Variants in ATP2B1 observed in about 807,000 individuals in gnomAD.
ATP2B1 encodes plasma membrane calcium-transporting ATPase 1.
Under a neutral mutation model 124.2 loss-of-function variants are expected in ATP2B1, and 14 were observed. The ratio of observed to expected loss-of-function variants is 0.11; its 90% CI spans 0.07 to 0.18. The LOEUF is 0.18. ATP2B1 is among the 10% of genes least tolerant of loss of function. The pLI is 1.00. For missense variants in ATP2B1, 763 were observed against 1,466.1 expected, an observed-to-expected ratio of 0.52 and a Z score of 7.83; for synonymous variants, 449 against 492.4, an observed-to-expected ratio of 0.91 and a Z score of 1.17.
In ATP2B1 at chr12:89,630,409, AT is replaced by A. The variant is rs1273694773; in HGVS notation, c.928+95del. 5.8e-5 allele frequency: 67 copies of A among 1,159,864 alleles called. 1 individual carries two copies. In the African/African-American group the frequency reaches 1.1e-3, roughly 18 times the overall value. The allele number at this position is 1,159,864 out of a possible 1,614,324, so 71.8% of individuals were successfully genotyped here. A position where few individuals can be genotyped will look rare whatever the true frequency, so the allele number is the denominator to read the frequency against. On this transcript the variant is annotated intron_variant, in intron 6 of 20. Transcript: ENST00000428670. ...AAATCTTCTTTTAACTTTTTGTAGA[AT>A]TTTTCATACCAGAATCTCTTGAAAG... is the stretch of plus-strand genomic sequence containing the variant.
intron 11 of ATP2B1, among the ~76,000 whole-genome samples, chr12:89,618,753 C>G (rs1163352163): frequency 6.6e-6 from 1 of 152,146 alleles, no homozygotes; most frequent in African/African-American, 2.4e-5. Context: ...AATGCCACAT[C>G]CCTACAGTGT....
At chr12:89,607,761 A>G (rs1307186132) in intron 15 of ATP2B1, among the ~76,000 whole-genome samples, 3 of 152,128 alleles carry the variant, frequency 2.0e-5, no homozygotes, top group South Asian at 2.1e-4. Flanking sequence ...TTGTTACACT[A>G]TATTATTTAG....
Position 89,600,534 on chromosome 12 carries a change from A to G in ATP2B1, c.3168+792T>C, listed in dbSNP as rs144441731. On this transcript the variant is annotated intron_variant, in intron 19 of 20. Transcript: ENST00000428670. ...TAAAGCTATTCAATTCAAATCTAAA[A>G]CATCATTTTGTGACCCCTTTTTCCA... Among the ~76,000 whole-genome samples, 750 of 152,254 alleles carry G rather than the reference A, an allele frequency of 4.9e-3. 9 individuals carry two copies. Among genetic ancestry groups the G allele is most frequent in the African/African-American group, 0.018 (733 of 41,562 alleles).
intron 12 of ATP2B1, among the ~76,000 whole-genome samples, chr12:89,612,561 T>C (rs1565817728): frequency 6.6e-6 from 1 of 152,168 alleles, no homozygotes; most frequent in Non-Finnish European, 1.5e-5. Flanking sequence ...CAGAGATTTG[T>C]GCGTAATCTC....
intron 1 of ATP2B1, among the ~76,000 whole-genome samples, chr12:89,662,952 T>C (rs1886878340): frequency 6.6e-6 from 1 of 152,202 alleles, no homozygotes; most frequent in African/African-American, 2.4e-5. Flanking sequence ...GTTCTTCTAT[T>C]ATAGCCTTTA....
chr12:89,626,839 G>A (rs1373127298), intron 7 of ATP2B1, among the ~76,000 whole-genome samples: 3 of 152,122 alleles, frequency 2.0e-5, no homozygotes, highest in Admixed American at 2.0e-4. Context: ...AGGTAATGAG[G>A]ATGAGGCATA....
chr12:89,617,491 TTAACCATGAAAGAAAAAAAA>T (rs1277672194), intron 11 of ATP2B1, among the ~76,000 whole-genome samples: 1 of 152,134 alleles, frequency 6.6e-6, no homozygotes, highest in Non-Finnish European at 1.5e-5. Flanking sequence ...CTATATTGTT[TTAACCATGAAAGAAAAAAAA>T]TAACTTATTG....
rs988769320 is a variant in ATP2B1 at position 89,635,148 on chromosome 12, T to A, written c.510A>T (p.Thr170=). 1.2e-6 allele frequency: 2 copies of A among 1,613,834 alleles called. No individual in the cohort carries two copies. The highest frequency in any genetic ancestry group is 8.5e-7 in the Non-Finnish European group (1 of 1,179,892). Reference sequence around the variant, plus strand: ...TTTCCTTACTCCAGTCATTGAAAGCTGTTACTAACACCACACACACTACAG... The same window carrying A: ...TTTCCTTACTCCAGTCATTGAAAGCAGTTACTAACACCACACACACTACAG... The part of the protein sequence containing the change: ...LLSVVCVVLV[T]AFNDWSKEKQ... The change falls in exon 4 of 21, where the codon ACA becomes ACT. Residue 170 remains threonine, a synonymous_variant. Transcript: ENST00000428670.
At chr12:89,660,570 A>G (rs1459093315) in intron 1 of ATP2B1, among the ~76,000 whole-genome samples, 1 of 152,242 alleles carries the variant, frequency 6.6e-6, no homozygotes, top group Non-Finnish European at 1.5e-5. Context: ...CGTAATATCT[A>G]ACAAAGGGAG....
At chr12:89,594,244 G>C (rs1874142829) in intron 20 of ATP2B1, 2 of 152,024 alleles carry the variant, frequency 1.3e-5, no homozygotes, top group Admixed American at 6.6e-5. Flanking sequence ...TCTAAGGCAT[G>C]ACACTGAGCT....
At chr12:89,633,038 A>G (rs1353394734) in intron 5 of ATP2B1, among the ~76,000 whole-genome samples, 2 of 152,194 alleles carry the variant, frequency 1.3e-5, no homozygotes, top group African/African-American at 4.8e-5. Context: ...AGTTTGTTAC[A>G]CATTGTGGTC....
In ATP2B1 at chr12:89,677,971, T is replaced by TACAC. The variant is rs869199593; in HGVS notation, c.-221-21868_-221-21865dup. On this transcript the variant is annotated intron_variant, in intron 1 of 20. Transcript: ENST00000428670. ...TGCAGGAATTATATATATATATATA[T>TACAC]ACACACACACACACACACACACACA... Among the ~76,000 whole-genome samples the TACAC allele has an allele frequency of 6.3e-3, 326 of 52,070 alleles. 15 individuals are homozygous for TACAC. The highest frequency in any genetic ancestry group is 0.012 in the Middle Eastern group (1 of 86). 34.2% of individuals were successfully genotyped at this position (52,070 alleles called of 152,430 possible).
chr12:89,695,603 T>C (rs942628753), intron 1 of ATP2B1, among the ~76,000 whole-genome samples: 2 of 152,130 alleles, frequency 1.3e-5, no homozygotes, highest in Non-Finnish European at 2.9e-5. Context: ...TGTAGTTGTA[T>C]TTAAGTTTAG....
At chr12:89,665,251 T>A (rs1223032447) in intron 1 of ATP2B1, among the ~76,000 whole-genome samples, 1 of 152,236 alleles carries the variant, frequency 6.6e-6, no homozygotes, top group Non-Finnish European at 1.5e-5. Flanking sequence ...TTTTTCCATT[T>A]AAGCCTTATA....
At position 89,601,436 on chromosome 12, in the gene ATP2B1, G is replaced by A; in HGVS notation, c.3061-3C>T. ...CCACCAAACTGCACAATTATTATCT[G>A]GAGGAATAATCAAGAGTAAATTTAC... On this transcript the variant is annotated splice_region_variant and splice_polypyrimidine_tract_variant and intron_variant, in intron 18 of 20. Transcript: ENST00000428670. 3 of 1,507,222 alleles carry A rather than the reference G, an allele frequency of 2.0e-6. No individual in the cohort carries two copies. Among genetic ancestry groups the A allele is most frequent in the East Asian group, 2.4e-5 (1 of 41,782 alleles). 93.4% of individuals were successfully genotyped at this position (1,507,222 alleles called of 1,614,324 possible). A position where few individuals can be genotyped will look rare whatever the true frequency, so the allele number is the denominator to read the frequency against.
At chr12:89,696,644 C>G (rs891354678) in intron 1 of ATP2B1, among the ~76,000 whole-genome samples, 1 of 152,148 alleles carries the variant, frequency 6.6e-6, no homozygotes, top group Admixed American at 6.5e-5. Context: ...TGATTTGTTT[C>G]ACTTTACATT....
intron 2 of ATP2B1, among the ~76,000 whole-genome samples, chr12:89,654,676 GTTAT>G (rs2136348988): frequency 6.6e-6 from 1 of 152,148 alleles, no homozygotes; most frequent in South Asian, 2.1e-4. Flanking sequence ...ATAATTTAAA[GTTAT>G]TTAATTTTGG....
intron 1 of ATP2B1, among the ~76,000 whole-genome samples, chr12:89,672,926 T>G (rs1299393721): frequency 1.3e-5 from 2 of 152,244 alleles, no homozygotes; most frequent in African/African-American, 4.8e-5. Context: ...AACTGGATAT[T>G]TGTATTTTCC....
intron 1 of ATP2B1, among the ~76,000 whole-genome samples, chr12:89,706,667 T>C (rs1408995507): frequency 6.6e-6 from 1 of 152,128 alleles, no homozygotes; most frequent in Admixed American, 6.5e-5. Flanking sequence ...AATTCCCCCT[T>C]ACACGTCAAA....
Sources: allele counts gnomAD v4.1 joint callset (sites outside exome capture counted in the v4.1 genomes callset), GRCh38; gene constraint gnomAD v4.1.1; transcripts MANE v1.5; gene names NCBI Gene and HGNC (gene_info 2026-07-23, HGNC 2026-07-21).